DNAH10: variants seen among roughly 807,000 people sequenced by gnomAD.
DNAH10 encodes the protein axonemal beta dynein heavy chain 10.
A neutral mutation model predicts 506.6 loss-of-function variants in DNAH10; 348 were observed. That is an observed-to-expected ratio of 0.69 (90% confidence interval 0.63 to 0.75). DNAH10 has a LOEUF of 0.75. Among genes scored for constraint, DNAH10 ranks in the 30% least tolerant of loss-of-function variants. The pLI is 0.00. For synonymous variants in DNAH10, 2,059 were observed against 2,198.6 expected (o/e 0.94, Z 1.78); for missense variants, 5,179 against 5,787.1 (o/e 0.89, Z 3.41).
At chr12:123,805,641 G>A (rs1256155549) in intron 18 of DNAH10, among the ~76,000 whole-genome samples, 2 of 152,088 alleles carry the variant, frequency 1.3e-5, no homozygotes, top group African/African-American at 2.4e-5. Context: ...ATCCATCACC[G>A]TTACCGTCAC....
At chr12:123,896,149 A>ACACACAGAGATT (rs61054448) in intron 54 of DNAH10, among the ~76,000 whole-genome samples, 1 of 59,212 alleles carries the variant, frequency 1.7e-5, no homozygotes, top group Admixed American at 1.6e-4. Flanking sequence ...ACACACACAC[A>ACACACAGAGATT]GAGAGAGAGA....
At chr12:123,826,651 T>A (rs1034032807) in intron 24 of DNAH10, 36 bp from the exon 25 acceptor site, 1 of 1,585,462 alleles carries the variant, frequency 6.3e-7, no homozygotes, top group African/African-American at 1.4e-5. Context: ...TCCAAAGGGG[T>A]CTTTGTTGAT....
rs753480953 is a variant in DNAH10 at position 123,870,402 on chromosome 12, A to G, written c.7556A>G (p.Asn2519Ser). 2 of 1,613,948 alleles carry G rather than the reference A, an allele frequency of 1.2e-6. No individual in the cohort carries two copies. The highest frequency in any genetic ancestry group is 2.2e-5 in the East Asian group (1 of 44,890). ...ACCTTGTATGACTTTCATTTTGATA[A>G]CAAACGGAATCAATGGGTCCCATGG... is the stretch of plus-strand genomic sequence containing the variant. ...LPTLYDFHFD[N>S]KRNQWVPWSK... The change falls in exon 44 of 79, where the codon AAC becomes AGC. Residue 2519 changes from asparagine (N) to serine (S), a missense_variant. Asn to Ser is a conservative substitution (Grantham distance 46). This residue lies in a region of DNAH10 where 4,844 missense variants were observed against 5,430.5 expected (regional missense o/e 0.89). Transcript: ENST00000673944.
intron 19 of DNAH10, among the ~76,000 whole-genome samples, chr12:123,811,700 T>C (rs1958940405): frequency 6.6e-6 from 1 of 152,118 alleles, no homozygotes; most frequent in African/African-American, 2.4e-5. Flanking sequence ...AGTTGGGGTT[T>C]CACCATGTTA....
intron 19 of DNAH10, among the ~76,000 whole-genome samples, chr12:123,810,011 AC>A (rs1283474994): frequency 1.3e-5 from 2 of 151,784 alleles, no homozygotes; most frequent in East Asian, 3.9e-4. Context: ...CCACTCTCCG[AC>A]CTTTTCTTAT....
rs112230512 is a variant in DNAH10, at chr12:123,841,384, C to T, written c.5199C>T (p.Ser1733=). The part of the protein sequence containing the change: ...NDGDSGEKLV[S]AMISAEGEVM... ...GCGATAGTGGAGAAAAACTGGTGTC[C>T]GCGATGATTTCAGCAGAAGGAGAAG... The change falls in exon 30 of 79, where the codon TCC becomes TCT. Residue 1733 remains serine (S), a synonymous_variant. Transcript: ENST00000673944. 26 of 1,613,786 alleles carry T rather than the reference C, an allele frequency of 1.6e-5. No homozygotes were observed. The highest frequency in any genetic ancestry group is 1.1e-4 in the African/African-American group (8 of 74,892).
In DNAH10 at chr12:123,846,342, G is replaced by A. The variant is rs548824504; in HGVS notation, c.5814+188G>A. ...TTGGGATTGGCATGTAAGTGTGGCCGTGCTTAGCCACTGGTACACTGGTCC... is the reference window on the plus strand; with the variant it reads ...TTGGGATTGGCATGTAAGTGTGGCCATGCTTAGCCACTGGTACACTGGTCC... On this transcript the variant is annotated intron_variant, in intron 32 of 78. Transcript: ENST00000673944. The surrounding 1 kb of genome is among the most constrained non-coding windows in gnomAD (Gnocchi z 4.5). 8.5e-5 allele frequency among the ~76,000 whole-genome samples: 13 copies of A among 152,200 alleles called. No individual in the cohort carries two copies. The highest frequency in any genetic ancestry group is 1.3e-4 in the Non-Finnish European group (9 of 68,032).
In DNAH10 at chr12:123,879,317, T is replaced by G. The variant is rs749682989; in HGVS notation, c.8426T>G (p.Val2809Gly). 21 of 1,578,736 alleles carry G rather than the reference T, an allele frequency of 1.3e-5. No individual in the cohort carries two copies. Among genetic ancestry groups the G allele is most frequent in the Admixed American group, 1.8e-5 (1 of 54,792 alleles). ...VRVWRNECLR[V>G]FHDRLISETD... ...GTCTGGAGGAATGAGTGTCTGAGAG[T>G]CTTCCACGACCGGCTGATCAGTGAA... is the stretch of plus-strand genomic sequence containing the variant. The change falls in exon 49 of 79, where the codon GTC (valine) becomes GGC (glycine). Residue 2809 changes from valine (V) to glycine (G), a missense_variant. Around this residue, in one of 3 missense-constraint regions of DNAH10, gnomAD observed 4,844 missense variants for 5,430.5 expected, o/e 0.89. Transcript: ENST00000673944.
At chr12:123,852,085 C>T (rs1951197258) in intron 35 of DNAH10, among the ~76,000 whole-genome samples, 1 of 152,162 alleles carries the variant, frequency 6.6e-6, no homozygotes, top group Non-Finnish European at 1.5e-5. Context: ...TTACTGCTTA[C>T]TAGACACATT....
In DNAH10 at chr12:123,870,394, T is replaced by A; in HGVS notation, c.7548T>A (p.His2516Gln). The A allele has an allele frequency of 6.2e-7, 1 of 1,613,936 alleles. No individual in the cohort carries two copies. Among genetic ancestry groups the A allele is most frequent in the Non-Finnish European group, 8.5e-7 (1 of 1,179,880 alleles). Residue 2516 changes from histidine to glutamine, a missense_variant, in exon 44 of 79, where the codon CAT becomes CAA. Physicochemically the swap from His to Gln is conservative, Grantham distance 24. Around this residue, in one of 3 missense-constraint regions of DNAH10, gnomAD observed 4,844 missense variants for 5,430.5 expected, o/e 0.89. Transcript: ENST00000673944. ...PGQLPTLYDF[H>Q]FDNKRNQWVP... ...AACTTCCAACCTTGTATGACTTTCATTTTGATAACAAACGGAATCAATGGG... is the reference window on the plus strand; with the variant it reads ...AACTTCCAACCTTGTATGACTTTCAATTTGATAACAAACGGAATCAATGGG...
In DNAH10 at chr12:123,935,353, G is replaced by A. The variant is rs775317598; in HGVS notation, c.13642G>A (p.Val4548Ile). ...CTTGCAGAATACTTTCCGGACCCCC[G>A]TCTACACCACCTCCATGAGAAGGAA... ...LKLQNTFRTP[V>I]YTTSMRRNAM... Residue 4548 changes from valine to isoleucine, a missense_variant, in exon 79 of 79, where the codon GTC becomes ATC. Physicochemically the swap from Val to Ile is conservative, Grantham distance 29. This residue lies in a region of DNAH10 where 4,844 missense variants were observed against 5,430.5 expected (regional missense o/e 0.89). Coordinates refer to ENST00000673944, the MANE Select transcript of DNAH10 (RefSeq NM_001372106.1). 24 of 1,605,426 alleles carry A rather than the reference G, an allele frequency of 1.5e-5. No individual in the cohort carries two copies. The highest frequency in any genetic ancestry group is 5.4e-5 in the African/African-American group (4 of 74,544).
chr12:123,914,931 C>T lies in DNAH10; in HGVS notation c.10654C>T (p.Leu3552=). 6.2e-7 allele frequency: 1 copy of T among 1,612,936 alleles called. No individual in the cohort carries two copies. The highest frequency in any genetic ancestry group is 8.5e-7 in the Non-Finnish European group (1 of 1,179,486). Residue 3552 remains leucine, a synonymous_variant, in exon 62 of 79, where the codon CTG becomes TTG. Coordinates refer to ENST00000673944, the MANE Select transcript of DNAH10 (RefSeq NM_001372106.1). ...CACCACCCGGGCCAGCCGCTTCCCT[C>T]TGTGTATCGACCCCCAGCAGCAGGC... ...ILTTRASRFP[L]CIDPQQQALN...
intron 19 of DNAH10, among the ~76,000 whole-genome samples, chr12:123,810,815 T>G (rs1283066353): frequency 1.3e-5 from 2 of 152,246 alleles, no homozygotes; most frequent in Non-Finnish European, 2.9e-5. Flanking sequence ...CTATGTATGT[T>G]TCCTTTGTAA....
chr12:123,921,712 T>TG (rs1954736931), intron 65 of DNAH10, among the ~76,000 whole-genome samples: 2 of 126,780 alleles, frequency 1.6e-5, no homozygotes, highest in Non-Finnish European at 3.3e-5. Flanking sequence ...TTTTTTTTTT[T>TG]TTTTTTTTTT....
chr12:123,892,869 CA>C (rs1201673102), intron 52 of DNAH10, among the ~76,000 whole-genome samples: 3 of 152,206 alleles, frequency 2.0e-5, no homozygotes, highest in Admixed American at 2.0e-4. Context: ...TCCCTTGCAA[CA>C]AGCAGAAATA....
At chr12:123,856,324 G>A (rs1366243087) in intron 36 of DNAH10, among the ~76,000 whole-genome samples, 5 of 148,758 alleles carry the variant, frequency 3.4e-5, no homozygotes. Flanking sequence ...GTGTGTGTGT[G>A]TGTATATCTA....
At chr12:123,814,715 C>T (rs982835067) in intron 21 of DNAH10, among the ~76,000 whole-genome samples, 8 of 150,836 alleles carry the variant, frequency 5.3e-5, no homozygotes, top group African/African-American at 7.3e-5. Context: ...CCCAGGTTCA[C>T]GCCATTCTCC....
At chr12:123,774,066 AG>A (rs1329943692) in intron 4 of DNAH10, 82 bp from the exon 5 acceptor site, 1 of 861,104 alleles carries the variant, frequency 1.2e-6, no homozygotes, top group Admixed American at 2.5e-5. Flanking sequence ...GGGAAGAAGG[AG>A]AAGATTCCTG....
Position 123,917,799 on chromosome 12 carries a change from T to A in DNAH10, c.11218T>A (p.Ser3740Thr). The A allele has an allele frequency of 6.4e-7, 1 of 1,573,152 alleles. No homozygotes were observed. The highest frequency in any genetic ancestry group is 2.4e-5 in the East Asian group (1 of 42,398). ...DLVHTLEETKSKATEVSEKLK... is the reference protein window; with the variant it reads ...DLVHTLEETKTKATEVSEKLK... ...GGTGCACACCCTGGAGGAGACCAAA[T>A]CCAAGGCAACAGAGGTAGCAACCAC... Residue 3740 changes from serine (S) to threonine (T), a missense_variant, in exon 64 of 79, where the codon TCC (serine) becomes ACC (threonine). This residue lies in a region of DNAH10 where 4,844 missense variants were observed against 5,430.5 expected (regional missense o/e 0.89). Coordinates refer to ENST00000673944, the MANE Select transcript of DNAH10 (RefSeq NM_001372106.1). This position sits in a 1 kb window ranked among gnomAD's most constrained non-coding sequence, Gnocchi z 5.6.
Sources: gnomAD v4.1 joint callset for allele counts (sites outside exome capture counted in the v4.1 genomes callset) on GRCh38, gnomAD v4.1.1 for gene constraint, gnomAD v4.1.1 regional missense constraint, Gnocchi (gnomAD v3.1) non-coding constraint, MANE v1.5 for transcripts, NCBI Gene and HGNC (gene_info 2026-07-23, HGNC 2026-07-21) for gene names.